HS3ST1: variants seen among roughly 807,000 people sequenced by gnomAD.
HS3ST1 encodes the protein heparan sulfate-glucosamine 3-sulfotransferase 1.
HS3ST1 carries 8 observed loss-of-function variants against 20.7 expected under a neutral mutation model. That is an observed-to-expected ratio of 0.39 (90% CI 0.23 to 0.70). HS3ST1 has a LOEUF of 0.70. HS3ST1 is among the 30% of genes least tolerant of loss of function. The pLI, the probability that HS3ST1 is intolerant of heterozygous loss-of-function variation, is 0.46. For missense variants in HS3ST1, 436 were observed against 423.4 expected (o/e 1.03, Z -0.26); for synonymous variants, 205 against 190.4 (o/e 1.08, Z -0.63).
intron 1 of HS3ST1, among the ~76,000 whole-genome samples, 199 bp from the exon 2 acceptor site, chr4:11,400,312 T>C (rs991210429): frequency 1.3e-5 from 2 of 152,130 alleles, no homozygotes; most frequent in Non-Finnish European, 2.9e-5. Flanking sequence ...GGACATACTT[T>C]ATGCCAACTC....
rs1718140285 is a variant in HS3ST1 at position 11,396,163 on chromosome 4, C to T, written c.*2919G>A. The T allele has an allele frequency of 6.6e-6, 1 of 152,212 alleles. No individual in the cohort carries two copies. The highest frequency in any genetic ancestry group is 6.5e-5 in the Admixed American group (1 of 15,270). The allele number at this position is 152,212 out of a possible 1,614,324, so 9.4% of individuals were successfully genotyped here. ...CCTTTCAGTTGGGTAAGCCTCCAAG[C>T]ACAGAAGGAGTAAAGCACCCTGTGC... is the stretch of plus-strand genomic sequence containing the variant. On this transcript the variant is annotated 3_prime_UTR_variant, in exon 2 of 2. Transcript: ENST00000002596.
chr4:11,413,827 T>C (rs1373619103), intron 1 of HS3ST1, among the ~76,000 whole-genome samples: 2 of 152,150 alleles, frequency 1.3e-5, no homozygotes, highest in African/African-American at 4.8e-5. Context: ...ATTCATACTT[T>C]ATGAGATAAG....
intron 1 of HS3ST1, among the ~76,000 whole-genome samples, chr4:11,416,142 T>G (rs1254831250): frequency 1.3e-5 from 2 of 152,088 alleles, no homozygotes; most frequent in African/African-American, 4.8e-5. Flanking sequence ...AAACCCTTCA[T>G]GAGATGACAA....
chr4:11,414,644 G>T (rs565709255), intron 1 of HS3ST1, among the ~76,000 whole-genome samples: 1 of 152,326 alleles, frequency 6.6e-6, no homozygotes, highest in African/African-American at 2.4e-5. Flanking sequence ...TAAACCAACA[G>T]ATTCGTTAGT....
chr4:11,413,848 G>A (rs1318003066), intron 1 of HS3ST1, among the ~76,000 whole-genome samples: 3 of 152,028 alleles, frequency 2.0e-5, no homozygotes, highest in Non-Finnish European at 4.4e-5. Context: ...AAGAAGGATA[G>A]CAGAGCTACA....
chr4:11,416,266 A>AAAGC, intron 1 of HS3ST1, among the ~76,000 whole-genome samples: 1 of 152,170 alleles, frequency 6.6e-6, no homozygotes, highest in Non-Finnish European at 1.5e-5. Context: ...AACCATGACC[A>AAAGC]AATGCCCCTC....
At chr4:11,401,228 G>C (rs938768036) in intron 1 of HS3ST1, among the ~76,000 whole-genome samples, 1 of 151,954 alleles carries the variant, frequency 6.6e-6, no homozygotes, top group Non-Finnish European at 1.5e-5. Context: ...ACTACAAAGT[G>C]CAAAAAAGCC....
At chr4:11,412,683 A>T (rs1268498564) in intron 1 of HS3ST1, among the ~76,000 whole-genome samples, 2 of 152,170 alleles carry the variant, frequency 1.3e-5, no homozygotes, top group African/African-American at 4.8e-5. Context: ...GATCATACTT[A>T]GCACTCATTC....
intron 1 of HS3ST1, among the ~76,000 whole-genome samples, chr4:11,411,512 G>A (rs1484982588): frequency 6.6e-6 from 1 of 152,152 alleles, no homozygotes; most frequent in African/African-American, 2.4e-5. Flanking sequence ...ACTTTAAACA[G>A]GAGGTGCTGT....
At chr4:11,433,026 A>C (rs1236144273), upstream of HS3ST1, among the ~76,000 whole-genome samples, 4 of 152,208 alleles carry the variant, frequency 2.6e-5, no homozygotes, top group Admixed American at 2.6e-4. Context: ...TGTGGTTATG[A>C]GGTCCAGTTA....
intron 1 of HS3ST1, among the ~76,000 whole-genome samples, chr4:11,426,368 C>CCA (rs1553858483): frequency 6.6e-6 from 1 of 151,512 alleles, no homozygotes; most frequent in South Asian, 2.1e-4. Flanking sequence ...CAGAGGCCCC[C>CCA]CCCCCAACCC....
At chr4:11,407,688 T>G (rs186631355) in intron 1 of HS3ST1, among the ~76,000 whole-genome samples, 1 of 152,344 alleles carries the variant, frequency 6.6e-6, no homozygotes, top group East Asian at 1.9e-4. Flanking sequence ...AACTAAAGAT[T>G]TCCTCCTGGG....
chr4:11,398,825 A>T lies in HS3ST1; in HGVS notation c.*257T>A. 1 of 294,840 alleles carries T rather than the reference A, an allele frequency of 3.4e-6. No homozygotes were observed. The highest frequency in any genetic ancestry group is 6.1e-6 in the Non-Finnish European group (1 of 162,834). 18.3% of individuals were successfully genotyped at this position (294,840 alleles called of 1,614,324 possible). ...AAAAATCTTTTTTTTTTTTTCAGTGAAATAGTTTAGTTCCTTCATATAGAG... is the reference window on the plus strand; with the variant it reads ...AAAAATCTTTTTTTTTTTTTCAGTGTAATAGTTTAGTTCCTTCATATAGAG... On this transcript the variant is annotated 3_prime_UTR_variant, in exon 2 of 2. Transcript: ENST00000002596.
In HS3ST1 at chr4:11,394,164, A is replaced by C. The variant is rs12644896; in HGVS notation, c.*4918T>G. On this transcript the variant is annotated 3_prime_UTR_variant, in exon 2 of 2. Transcript: ENST00000002596. ...TCTCATTGAGTTGGAGTTTTCCCCC[A>C]ACAGAGTACAGTACATATCTGCCCA... is the stretch of plus-strand genomic sequence containing the variant. 1 of 152,216 alleles carries C rather than the reference A, an allele frequency of 6.6e-6. No homozygotes were observed. The highest frequency in any genetic ancestry group is 2.4e-5 in the African/African-American group (1 of 41,452). The allele number at this position is 152,216 out of a possible 1,614,324, so 9.4% of individuals were successfully genotyped here. A position where few individuals can be genotyped will look rare whatever the true frequency, so the allele number is the denominator to read the frequency against.
At position 11,395,406 on chromosome 4, in the gene HS3ST1, A is replaced by G. The variant is rs1426036912; in HGVS notation, c.*3676T>C. On this transcript the variant is annotated 3_prime_UTR_variant, in exon 2 of 2. Coordinates refer to ENST00000002596, the MANE Select transcript of HS3ST1 (RefSeq NM_005114.4). ...GACTATTTCCCTGGAGTGAGCAAGA[A>G]TCCTTTCTTCTGAAAAAAATGACTT... is the stretch of plus-strand genomic sequence containing the variant. The G allele has an allele frequency of 1.3e-5, 2 of 151,146 alleles. No homozygotes were observed. Among genetic ancestry groups the G allele is most frequent in the South Asian group, 2.1e-4 (1 of 4,770 alleles). 9.4% of individuals were successfully genotyped at this position (151,146 alleles called of 1,614,324 possible).
intron 1 of HS3ST1, among the ~76,000 whole-genome samples, chr4:11,412,863 C>T (rs1402412814): frequency 6.6e-6 from 1 of 152,194 alleles, no homozygotes; most frequent in Non-Finnish European, 1.5e-5. Context: ...ATGTTAAAAT[C>T]AAATCCCCAT....
rs967207811 is a variant in HS3ST1, at chr4:11,393,495, G to T, written c.*5587C>A. 1 of 148,500 alleles carries T rather than the reference G, an allele frequency of 6.7e-6. No homozygotes were observed. The highest frequency in any genetic ancestry group is 1.5e-5 in the Non-Finnish European group (1 of 68,018). 9.2% of individuals were successfully genotyped at this position (148,500 alleles called of 1,614,324 possible). On this transcript the variant is annotated 3_prime_UTR_variant, in exon 2 of 2. Transcript: ENST00000002596. ...AGAGAGAAGAAAACATGCATGCAAG[G>T]TTAAGACTTTAGAGTGGATGGTCTA...
chr4:11,397,195 A>G lies in HS3ST1; in HGVS notation c.*1887T>C, dbSNP rs1337142546. 2 of 152,246 alleles carry G rather than the reference A, an allele frequency of 1.3e-5. No homozygotes were observed. Among genetic ancestry groups the G allele is most frequent in the Non-Finnish European group, 2.9e-5 (2 of 68,066 alleles). The allele number at this position is 152,246 out of a possible 1,614,324, so 9.4% of individuals were successfully genotyped here. A position where few individuals can be genotyped will look rare whatever the true frequency, so the allele number is the denominator to read the frequency against. The stretch of plus-strand genomic sequence containing the variant: ...CCTATTGAAAAGTACCATGTCCACC[A>G]GGGGCCTGCTGTAAATATTTCTGCT... On this transcript the variant is annotated 3_prime_UTR_variant, in exon 2 of 2. Transcript: ENST00000002596.
In HS3ST1 at chr4:11,393,711, G is replaced by C. The variant is rs1194187901; in HGVS notation, c.*5371C>G. 1 of 152,234 alleles carries C rather than the reference G, an allele frequency of 6.6e-6. No homozygotes were observed. Among genetic ancestry groups the C allele is most frequent in the African/African-American group, 2.4e-5 (1 of 41,440 alleles). 9.4% of individuals were successfully genotyped at this position (152,234 alleles called of 1,614,324 possible). A position where few individuals can be genotyped will look rare whatever the true frequency, so the allele number is the denominator to read the frequency against. Reference sequence around the variant, plus strand: ...GGAGCTCTGAGCATGAGTTGCACCAGAGGTTGTCCTGCCTGGAGGCAATGA... The same window carrying C: ...GGAGCTCTGAGCATGAGTTGCACCACAGGTTGTCCTGCCTGGAGGCAATGA... On this transcript the variant is annotated 3_prime_UTR_variant, in exon 2 of 2. Coordinates refer to ENST00000002596, the MANE Select transcript of HS3ST1 (RefSeq NM_005114.4).
Sources: allele counts gnomAD v4.1 joint callset (sites outside exome capture counted in the v4.1 genomes callset), GRCh38; gene constraint gnomAD v4.1.1; transcripts MANE v1.5; gene names NCBI Gene and HGNC (gene_info 2026-07-23, HGNC 2026-07-21).